Variants in HUWE1 observed in about 807,000 individuals in gnomAD.
HUWE1 encodes the protein HECT, UBA and WWE domain containing E3 ubiquitin protein ligase 1, also known as E3 ubiquitin-protein ligase HUWE1.
A neutral mutation model predicts 299.4 loss-of-function variants in HUWE1; 18 were observed. That is an observed-to-expected ratio of 0.06 (90% CI 0.04 to 0.09). HUWE1 has a LOEUF of 0.09. HUWE1 is among the 10% of genes least tolerant of loss of function. HUWE1 has a pLI of 1.00. For synonymous variants in HUWE1, 1,317 were observed against 1,286.1 expected (o/e 1.02, Z -0.51); for missense variants, 1,832 against 3,462.3 (o/e 0.53, Z 11.82).
chrX:53,637,726 A>G (rs1392743802), intron 7 of HUWE1, among the ~76,000 whole-genome samples: 1 of 112,381 alleles, frequency 8.9e-6, no homozygotes, highest in Non-Finnish European at 1.9e-5. Context: ...AACTAGTAAC[A>G]TTATATGAAA....
At chrX:53,558,571 G>A in intron 59 of HUWE1, 84 bp downstream of exon 59, 2 of 940,260 alleles carry the variant, frequency 2.1e-6, no homozygotes, top group Non-Finnish European at 3.1e-6. Context: ...GGATTCTTCA[G>A]TGATTCCTGG....
At chrX:53,655,281 A>G (rs1470243713) in intron 3 of HUWE1, among the ~76,000 whole-genome samples, 4 of 110,468 alleles carry the variant, frequency 3.6e-5, no homozygotes, top group Non-Finnish European at 7.6e-5. Flanking sequence ...CAATTACAGT[A>G]TAAATTTTAG....
chrX:53,559,715 T>C (rs1403664398), intron 56 of HUWE1, among the ~76,000 whole-genome samples, 183 bp from the exon 57 acceptor site: 2 of 112,483 alleles, frequency 1.8e-5, no homozygotes, highest in African/African-American at 3.2e-5. Flanking sequence ...TTAAGTTGTA[T>C]ATTATTCCAT....
intron 78 of HUWE1, chrX:53,537,225 C>T (rs2061105297): frequency 3.4e-6 from 1 of 297,716 alleles, no homozygotes; most frequent in African/African-American, 2.7e-5. Flanking sequence ...GAGCAGTTAC[C>T]AGTTTGGTGG....
intron 19 of HUWE1, among the ~76,000 whole-genome samples, chrX:53,621,637 C>T (rs1557012418): frequency 9.1e-6 from 1 of 110,103 alleles, no homozygotes; most frequent in African/African-American, 3.3e-5. Flanking sequence ...ACAGCCCACA[C>T]TCCACTTTCA....
At chrX:53,627,325 G>T in intron 17 of HUWE1, 85 bp downstream of exon 17, 1 of 608,916 alleles carries the variant, frequency 1.6e-6, no homozygotes, top group South Asian at 2.5e-5. Flanking sequence ...TGTGTACTTT[G>T]GAATTTATGA....
chrX:53,677,999 T>C lies in HUWE1; in HGVS notation c.-25+2050A>G, dbSNP rs782415586. 6.2e-5 allele frequency among the ~76,000 whole-genome samples: 7 copies of C among 112,073 alleles called. No homozygotes were observed. In the South Asian group the frequency reaches 1.8e-3, roughly 29 times the overall value. On this transcript the variant is annotated intron_variant, in intron 3 of 83. Coordinates refer to ENST00000262854, the MANE Select transcript of HUWE1 (RefSeq NM_031407.7). ...AGATTATACCATCAGAATCTCAGAG[T>C]TGAAGAATTTTAACATTCATCTAGT... is the stretch of plus-strand genomic sequence containing the variant.
chrX:53,532,525 A>G lies in HUWE1; in HGVS notation c.*784T>C, dbSNP rs2060817959. 1 of 106,865 alleles carries G rather than the reference A, an allele frequency of 9.4e-6. No homozygotes were observed. Among genetic ancestry groups the G allele is most frequent in the African/African-American group, 3.4e-5 (1 of 29,236 alleles). The allele number at this position is 106,865 out of a possible 1,213,427, so 8.8% of individuals were successfully genotyped here. On this transcript the variant is annotated 3_prime_UTR_variant, in exon 84 of 84. Coordinates refer to ENST00000262854, the MANE Select transcript of HUWE1 (RefSeq NM_031407.7). ...TTTGTCCTGGGCTGCAATCTCTAAC[A>G]CCATCACCATCCCCAAGTGCAGCTC... is the stretch of plus-strand genomic sequence containing the variant.
Position 53,539,783 on chromosome X carries a change from C to T in HUWE1, c.11506G>A (p.Glu3836Lys). 1 of 1,210,511 alleles carries T rather than the reference C, an allele frequency of 8.3e-7. No homozygotes were observed. The highest frequency in any genetic ancestry group is 1.1e-6 in the Non-Finnish European group (1 of 894,719). ...ASDGTPQGEK[E>K]KEERPPELPL... is the part of the protein sequence containing the mutation. ...AACTCAGGTGGTCTTTCTTCCTTTT[C>T]CTTCTCCCCCTGTGGGGTTCCATCG... The change falls in exon 75 of 84, where the codon GAA (glutamate) becomes AAA (lysine). Residue 3836 changes from glutamate (E) to lysine (K), a missense_variant. By Grantham distance (56) the Glu-to-Lys change is moderately conservative. This residue lies in a region of HUWE1 where 27 missense variants were observed against 21.1 expected (regional missense o/e 1.28). Transcript: ENST00000262854.
chrX:53,645,234 C>A, intron 7 of HUWE1, 77 bp downstream of exon 7: 1 of 1,041,411 alleles, frequency 9.6e-7, no homozygotes, highest in Non-Finnish European at 1.3e-6. Flanking sequence ...TATATTTTAA[C>A]ACTCCAAGAA....
chrX:53,545,230 T>C, intron 70 of HUWE1, 69 bp from the exon 71 acceptor site: 1 of 1,048,479 alleles, frequency 9.5e-7, no homozygotes, highest in African/African-American at 1.8e-5. Context: ...GCCAAATCTC[T>C]CTAAGACACC....
chrX:53,560,605 G>A (rs1556940151), intron 55 of HUWE1, among the ~76,000 whole-genome samples, 189 bp from the exon 56 acceptor site: 2 of 111,179 alleles, frequency 1.8e-5, no homozygotes, highest in African/African-American at 6.5e-5. Flanking sequence ...CTCTCACTTA[G>A]ATACTGCAAC....
chrX:53,679,904 A>G (rs1806897443), intron 3 of HUWE1, 145 bp downstream of exon 3: 5 of 289,088 alleles, frequency 1.7e-5, no homozygotes, highest in Non-Finnish European at 6.0e-6. Context: ...CACTTTAAAA[A>G]AAGAAGCAAC....
chrX:53,597,128 T>G (rs2064527278), intron 29 of HUWE1, among the ~76,000 whole-genome samples: 1 of 111,503 alleles, frequency 9.0e-6, no homozygotes, highest in Admixed American at 9.5e-5. Context: ...GATCTAAAGC[T>G]GGAGAATGTA....
chrX:53,574,867 C>A (rs1158838499), intron 46 of HUWE1, among the ~76,000 whole-genome samples: 1 of 111,825 alleles, frequency 8.9e-6, no homozygotes, highest in Admixed American at 9.5e-5. Flanking sequence ...TCTCTATAAG[C>A]CAGTTTTTAG....
In HUWE1 at chrX:53,619,075, T is replaced by C. The variant is rs1373998019; in HGVS notation, c.1673-1629A>G. Among the ~76,000 whole-genome samples the C allele has an allele frequency of 4.5e-5, 5 of 111,564 alleles. No homozygotes were observed. The Admixed American group carries it at 4.7e-4, about 11-fold the overall frequency. On this transcript the variant is annotated intron_variant, in intron 19 of 83. Transcript: ENST00000262854. The stretch of plus-strand genomic sequence containing the variant: ...GTATACAGAACAAACTTGTTTATGG[T>C]GATGCCTAAGATCTAAAAGAAACCA...
Position 53,538,792 on chromosome X carries a change from A to G in HUWE1, c.11878+43T>C, listed in dbSNP as rs782193447. 8.2e-5 allele frequency: 95 copies of G among 1,154,210 alleles called. No individual in the cohort carries two copies. In the South Asian group the frequency reaches 1.6e-3, roughly 20 times the overall value. The stretch of plus-strand genomic sequence containing the variant: ...TAACTGTATGAAACAATCCTGTTTA[A>G]AATGAAGCCTTCTACACCTGGCAGC... On this transcript the variant is annotated intron_variant, in intron 76 of 83. Coordinates refer to ENST00000262854, the MANE Select transcript of HUWE1 (RefSeq NM_031407.7).
At chrX:53,644,715 A>G (rs1223575522) in intron 7 of HUWE1, among the ~76,000 whole-genome samples, 2 of 112,496 alleles carry the variant, frequency 1.8e-5, no homozygotes, top group African/African-American at 3.2e-5. Context: ...AAAGCCAGCC[A>G]TAACACTTTT....
At chrX:53,542,338 T>C (rs782137418) in intron 74 of HUWE1, 105 bp downstream of exon 74, 332 of 594,886 alleles carry the variant, frequency 5.6e-4, no homozygotes, top group Middle Eastern at 9.8e-4. Context: ...CTGGAACAAA[T>C]GGGAAAACAC....
Sources: gnomAD v4.1 joint callset for allele counts (sites outside exome capture counted in the v4.1 genomes callset) on GRCh38, gnomAD v4.1.1 for gene constraint, gnomAD v4.1.1 regional missense constraint, MANE v1.5 for transcripts, NCBI Gene and HGNC (gene_info 2026-07-23, HGNC 2026-07-21) for gene names.